The following OMG variants were observed in gnomAD, a reference collection of about 807,000 sequenced individuals.
OMG encodes oligodendrocyte-myelin glycoprotein.
A neutral mutation model predicts 26.2 loss-of-function variants in OMG; 9 were observed. The observed-to-expected ratio is 0.34, with a 90% CI of 0.21 to 0.60. The LOEUF is 0.60. OMG is among the 20% of genes least tolerant of loss of function. The pLI, the probability that OMG is intolerant of heterozygous loss-of-function variation, is 0.80. For missense variants in OMG, 402 were observed against 513.6 expected, an observed-to-expected ratio of 0.78 and a Z score of 2.10; for synonymous variants, 179 against 190.4, an observed-to-expected ratio of 0.94 and a Z score of 0.49.
At position 31,294,939 on chromosome 17, in the gene OMG, G is replaced by T. The variant is rs1321513703; in HGVS notation, c.*70C>A. The T allele has an allele frequency of 1.9e-6, 3 of 1,593,036 alleles. No individual in the cohort carries two copies. Among genetic ancestry groups the T allele is most frequent in the Non-Finnish European group, 2.6e-6 (3 of 1,161,836 alleles). On this transcript the variant is annotated 3_prime_UTR_variant, in exon 2 of 2. Transcript: ENST00000247271. ...TAAATATAGCTCGAATCACTGGTTAGATATGGACATATTTTCCCAACTGTA... is the reference window on the plus strand; with the variant it reads ...TAAATATAGCTCGAATCACTGGTTATATATGGACATATTTTCCCAACTGTA...
At position 31,296,145 on chromosome 17, in the gene OMG, A is replaced by G. The variant is rs2068459294; in HGVS notation, c.187T>C (p.Ser63Pro). 1 of 1,610,930 alleles carries G rather than the reference A, an allele frequency of 6.2e-7. No individual in the cohort carries two copies. The highest frequency in any genetic ancestry group is 8.5e-7 in the Non-Finnish European group (1 of 1,177,990). Residue 63 changes from serine (S) to proline (P), a missense_variant, in exon 2 of 2, where the codon TCT becomes CCT. By Grantham distance (74) the Ser-to-Pro change is moderately conservative. Around this residue, in one of 3 missense-constraint regions of OMG, gnomAD observed 65 missense variants for 80.0 expected, o/e 0.81. Transcript: ENST00000247271. ...TGCAGATCAGTAAAGTGGTTATAAG[A>G]CAGGTTTAAATGTATAATATTCTCT... is the stretch of plus-strand genomic sequence containing the variant. Reference protein sequence around the residue: ...LQENIIHLNLSYNHFTDLHNQ... With the variant: ...LQENIIHLNLPYNHFTDLHNQ...
Position 31,295,431 on chromosome 17 carries a change from T to G in OMG, c.901A>C (p.Thr301Pro), listed in dbSNP as rs769816389. The G allele has an allele frequency of 6.2e-7, 1 of 1,614,136 alleles. No homozygotes were observed. Among genetic ancestry groups the G allele is most frequent in the Admixed American group, 1.7e-5 (1 of 60,020 alleles). The change falls in exon 2 of 2, where the codon ACC becomes CCC. Residue 301 changes from threonine to proline, a missense_variant. Coordinates refer to ENST00000247271, the MANE Select transcript of OMG (RefSeq NM_002544.5). ...GTTCGATATTGTTTGGGTATTTTGG[T>G]CACTTTGGGTTGAGTTACCACACTC... is the stretch of plus-strand genomic sequence containing the variant. Reference protein sequence around the residue: ...SLSVVTQPKVTKIPKQYRTKE... With the variant: ...SLSVVTQPKVPKIPKQYRTKE...
chr17:31,295,178 C>T lies in OMG; in HGVS notation c.1154G>A (p.Gly385Asp), dbSNP rs1567878953. 6.2e-7 allele frequency: 1 copy of T among 1,614,148 alleles called. No individual in the cohort carries two copies. Among genetic ancestry groups the T allele is most frequent in the South Asian group, 1.1e-5 (1 of 91,084 alleles). The change falls in exon 2 of 2, where the codon GGC becomes GAC. Residue 385 changes from glycine (G) to aspartate (D), a missense_variant. Gly to Asp is a moderately conservative substitution (Grantham distance 94). Coordinates refer to ENST00000247271, the MANE Select transcript of OMG (RefSeq NM_002544.5). Reference sequence around the variant, plus strand: ...CATTTCAGAGAAATTATTTGGCATGCCACTAGTGATACTTAGGGTCATGGG... The same window carrying T: ...CATTTCAGAGAAATTATTTGGCATGTCACTAGTGATACTTAGGGTCATGGG... Reference protein sequence around the residue: ...PTPMTLSITSGMPNNFSEMPQ... With the variant: ...PTPMTLSITSDMPNNFSEMPQ...
rs777988370 is a variant in OMG at position 31,295,073 on chromosome 17, T to A, written c.1259A>T (p.Asn420Ile). Residue 420 changes from asparagine to isoleucine, a missense_variant, in exon 2 of 2, where the codon AAT becomes ATT. Physicochemically the swap from Asn to Ile is moderately radical, Grantham distance 149. Transcript: ENST00000247271. The part of the protein sequence containing the change: ...NVKTPLPSVA[N>I]AWKVNASFLL... Reference sequence around the variant, plus strand: ...AAATGAAGCATTTACTTTCCAAGCATTTGCCACAGAAGGTAATGGAGTCTT... The same window carrying A: ...AAATGAAGCATTTACTTTCCAAGCAATTGCCACAGAAGGTAATGGAGTCTT... 6.2e-7 allele frequency: 1 copy of A among 1,614,158 alleles called. No homozygotes were observed. The highest frequency in any genetic ancestry group is 8.5e-7 in the Non-Finnish European group (1 of 1,180,000).
In OMG at chr17:31,294,716, T is replaced by G; in HGVS notation, c.*293A>C. 2.3e-6 allele frequency: 1 copy of G among 434,554 alleles called. No individual in the cohort carries two copies. The allele number at this position is 434,554 out of a possible 1,614,324, so 26.9% of individuals were successfully genotyped here. Reference sequence around the variant, plus strand: ...ACATACATAAAATACATATTAAAGTTTAGATGCTTTATATTTTGTGCAATA... The same window carrying G: ...ACATACATAAAATACATATTAAAGTGTAGATGCTTTATATTTTGTGCAATA... On this transcript the variant is annotated 3_prime_UTR_variant, in exon 2 of 2. Coordinates refer to ENST00000247271, the MANE Select transcript of OMG (RefSeq NM_002544.5).
rs2068431264 is a variant in OMG, at chr17:31,295,027, C to T, written c.1305G>A (p.Val435=). 1 of 1,614,074 alleles carries T rather than the reference C, an allele frequency of 6.2e-7. No homozygotes were observed. The highest frequency in any genetic ancestry group is 8.5e-7 in the Non-Finnish European group (1 of 1,179,978). ...NASFLLLLNV[V]VMLAV ...CAGACCCTCAGACAGCCAGCATGAC[C>T]ACAACATTGAGCAATAAGAGAAATG... Residue 435 remains valine (V), a synonymous_variant, in exon 2 of 2, where the codon GTG becomes GTA. Transcript: ENST00000247271.
intron 1 of OMG, chr17:31,296,736 A>T (rs993871658): frequency 9.0e-6 from 2 of 223,462 alleles, no homozygotes; most frequent in Non-Finnish European, 9.0e-6. Context: ...ATGAGAAAAA[A>T]TGGCTGTCGT....
Position 31,296,179 on chromosome 17 carries a change from A to C in OMG, c.153T>G (p.Ser51=), listed in dbSNP as rs1191438246. 8 of 1,613,424 alleles carry C rather than the reference A, an allele frequency of 5.0e-6. No individual in the cohort carries two copies. The highest frequency in any genetic ancestry group is 1.3e-5 in the African/African-American group (1 of 75,020). The stretch of plus-strand genomic sequence containing the variant: ...AATGTATAATATTCTCTTGCAGTCC[A>C]GATGGTAATGTAGACAAGTTTCTGC... ...CSGRNLSTLP[S]GLQENIIHLN... Residue 51 remains serine (S), a synonymous_variant, in exon 2 of 2, where the codon TCT becomes TCG. Transcript: ENST00000247271.
At chr17:31,296,387 G>A (rs561631046) in intron 1 of OMG, 50 bp from the exon 2 acceptor site, 1 of 1,600,822 alleles carries the variant, frequency 6.2e-7, no homozygotes, top group South Asian at 1.1e-5. Context: ...TACAGTTTAG[G>A]CATCTGCATG....
In OMG at chr17:31,295,648, T is replaced by C; in HGVS notation, c.684A>G (p.Ser228=). 6.2e-7 allele frequency: 1 copy of C among 1,614,204 alleles called. No individual in the cohort carries two copies. ...QEITLYNNRW[S]CDHKQNITYL... ...AAGTAATGTTTTGTTTGTGGTCACA[T>C]GACCACCTGTTATTGTAAAGGGTTA... Residue 228 remains serine, a synonymous_variant, in exon 2 of 2, where the codon TCA becomes TCG. Coordinates refer to ENST00000247271, the MANE Select transcript of OMG (RefSeq NM_002544.5).
chr17:31,297,177 A>G lies in OMG; in HGVS notation c.-28T>C, dbSNP rs1483444977. 6.6e-6 allele frequency: 1 copy of G among 152,206 alleles called. No homozygotes were observed. The highest frequency in any genetic ancestry group is 1.5e-5 in the Non-Finnish European group (1 of 68,034). The allele number at this position is 152,206 out of a possible 1,614,324, so 9.4% of individuals were successfully genotyped here. A position where few individuals can be genotyped will look rare whatever the true frequency, so the allele number is the denominator to read the frequency against. On this transcript the variant is annotated 5_prime_UTR_variant, in exon 1 of 2. It removes the in-frame stop codon of an upstream open reading frame in the 5' UTR. Transcript: ENST00000247271. ...TTACCGTGGTGTCGTCTTCAACATC[A>G]GCATCTCATTTTCTCTGGGAAACTT...
In OMG at chr17:31,295,266, G is replaced by C; in HGVS notation, c.1066C>G (p.His356Asp). ...TTTGTGACCATTCCATCTTGGAGATGAATAGTTAGAGTTGCAGCTGCTGCT... is the reference window on the plus strand; with the variant it reads ...TTTGTGACCATTCCATCTTGGAGATCAATAGTTAGAGTTGCAGCTGCTGCT... ...HEAAAATLTI[H>D]LQDGMVTNTS... Residue 356 changes from histidine to aspartate, a missense_variant, in exon 2 of 2, where the codon CAT becomes GAT. Around this residue, in one of 3 missense-constraint regions of OMG, gnomAD observed 247 missense variants for 274.7 expected, o/e 0.90. Coordinates refer to ENST00000247271, the MANE Select transcript of OMG (RefSeq NM_002544.5). 6.2e-7 allele frequency: 1 copy of C among 1,614,096 alleles called. No individual in the cohort carries two copies. Among genetic ancestry groups the C allele is most frequent in the Non-Finnish European group, 8.5e-7 (1 of 1,180,016 alleles).
intron 1 of OMG, 155 bp from the exon 2 acceptor site, chr17:31,296,492 C>A (rs1172701500): frequency 4.2e-6 from 3 of 710,360 alleles, no homozygotes; most frequent in African/African-American, 1.7e-5. Context: ...AGCTCCCCTT[C>A]ATTTATAGTC....
rs1156490089 is a variant in OMG at position 31,295,780 on chromosome 17, T to C, written c.552A>G (p.Pro184=). ...GATTTGTCAGGTTTATTAATGTACC[T>C]GGAAGAATTTGTGTCAAAGAATTAT... ...LSNNSLTQIL[P]GTLINLTNLT... The change falls in exon 2 of 2, where the codon CCA becomes CCG. Residue 184 remains proline, a synonymous_variant. Transcript: ENST00000247271. The C allele has an allele frequency of 3.7e-6, 6 of 1,614,090 alleles. No homozygotes were observed. The highest frequency in any genetic ancestry group is 5.1e-6 in the Non-Finnish European group (6 of 1,180,026).
intron 1 of OMG, 106 bp from the exon 2 acceptor site, chr17:31,296,443 C>T (rs1215946055): frequency 3.8e-5 from 39 of 1,028,684 alleles, no homozygotes; most frequent in Admixed American, 1.2e-4. Context: ...TCGTTGTTGT[C>T]GAGTCCTTTT....
chr17:31,295,533 A>G lies in OMG; in HGVS notation c.799T>C (p.Tyr267His), dbSNP rs376419111. 4 of 1,614,016 alleles carry G rather than the reference A, an allele frequency of 2.5e-6. No individual in the cohort carries two copies. Among genetic ancestry groups the G allele is most frequent in the South Asian group, 1.1e-5 (1 of 91,082 alleles). ...GAGGTAAATCCAGAAGGTGTGGGAT[A>G]CATGTTATGTTCCTTTAAAGATGAT... ...QISSLKEHNMYPTPSGFTSSL... is the reference protein window; with the variant it reads ...QISSLKEHNMHPTPSGFTSSL... Residue 267 changes from tyrosine to histidine, a missense_variant, in exon 2 of 2, where the codon TAT becomes CAT. By Grantham distance (83) the Tyr-to-His change is moderately conservative. Coordinates refer to ENST00000247271, the MANE Select transcript of OMG (RefSeq NM_002544.5).
Position 31,295,595 on chromosome 17 carries a change from T to G in OMG, c.737A>C (p.Lys246Thr). 1 of 1,614,162 alleles carries G rather than the reference T, an allele frequency of 6.2e-7. No individual in the cohort carries two copies. The highest frequency in any genetic ancestry group is 8.5e-7 in the Non-Finnish European group (1 of 1,180,016). The stretch of plus-strand genomic sequence containing the variant: ...ACATGGAGTCCCTATCACATGGGCT[T>G]TTGTTTCCATCATCCACTTCAGTAA... ...TYLLKWMMET[K>T]AHVIGTPCST... Residue 246 changes from lysine (K) to threonine (T), a missense_variant, in exon 2 of 2, where the codon AAA (lysine) becomes ACA (threonine). Lys to Thr is a moderately conservative substitution (Grantham distance 78, BLOSUM62 -1). Around this residue, in one of 3 missense-constraint regions of OMG, gnomAD observed 247 missense variants for 274.7 expected, o/e 0.90. Coordinates refer to ENST00000247271, the MANE Select transcript of OMG (RefSeq NM_002544.5).
Position 31,295,721 on chromosome 17 carries a change from G to A in OMG, c.611C>T (p.Thr204Ile). 1 of 1,614,166 alleles carries A rather than the reference G, an allele frequency of 6.2e-7. No individual in the cohort carries two copies. The highest frequency in any genetic ancestry group is 8.5e-7 in the Non-Finnish European group (1 of 1,180,026). Residue 204 changes from threonine to isoleucine, a missense_variant, in exon 2 of 2, where the codon ACA becomes ATA. Around this residue, in one of 3 missense-constraint regions of OMG, gnomAD observed 90 missense variants for 158.9 expected, o/e 0.57. Transcript: ENST00000247271. ...THLYLHNNKF[T>I]FIPDQSFDQL... The stretch of plus-strand genomic sequence containing the variant: ...GTCAAAAGATTGGTCTGGAATGAAT[G>A]TGAACTTATTGTTGTGCAGGTAAAG...
intron 1 of OMG, chr17:31,296,558 C>A (rs1293302358): frequency 1.5e-5 from 8 of 545,456 alleles, no homozygotes; most frequent in Non-Finnish European, 2.6e-5. Flanking sequence ...TCTCCCTACT[C>A]TCTCCTGCAT....
Sources: gnomAD v4.1 joint callset for allele counts on GRCh38, gnomAD v4.1.1 for gene constraint, gnomAD v4.1.1 regional missense constraint, MANE v1.5 for transcripts, NCBI Gene and HGNC (gene_info 2026-07-23, HGNC 2026-07-21) for gene names.